Variants in HIVEP2 observed in about 807,000 individuals in gnomAD.
HIVEP2 encodes HIVEP zinc finger 2, also known as transcription factor HIVEP2.
HIVEP2 carries 14 observed loss-of-function variants against 180.7 expected under a neutral mutation model. That is an observed-to-expected ratio of 0.08 (90% CI 0.05 to 0.12). HIVEP2 has a LOEUF of 0.12. Among genes scored for constraint, HIVEP2 ranks in the 10% least tolerant of loss-of-function variants. The probability of loss-of-function intolerance (pLI) is 1.00; values close to 1 mark genes in which losing one functional copy is unlikely to be tolerated. For missense variants in HIVEP2, 2,579 were observed against 3,008.5 expected (o/e 0.86, Z 3.34); for synonymous variants, 1,184 against 1,136.4 (o/e 1.04, Z -0.84).
In HIVEP2 at chr6:142,769,914, C is replaced by G; in HGVS notation, c.4825G>C (p.Val1609Leu). 4 of 1,614,030 alleles carry G rather than the reference C, an allele frequency of 2.5e-6. No individual in the cohort carries two copies. Among genetic ancestry groups the G allele is most frequent in the Non-Finnish European group, 3.4e-6 (4 of 1,180,032 alleles). ...KGHKRPVGML[V>L]RMASAPSGNV... ...CCGCTGGGGGCAGAGGCCATGCGGA[C>G]CAGCATGCCAACAGGCCGCTTGTGG... is the stretch of plus-strand genomic sequence containing the variant. The change falls in exon 5 of 10, where the codon GTC becomes CTC. Residue 1609 changes from valine to leucine, a missense_variant. Physicochemically the swap from Val to Leu is conservative, Grantham distance 32 (BLOSUM62 1). Coordinates refer to ENST00000367603, the MANE Select transcript of HIVEP2 (RefSeq NM_006734.4).
intron 1 of HIVEP2, among the ~76,000 whole-genome samples, chr6:142,940,428 T>C (rs1048524119): frequency 1.3e-5 from 2 of 152,218 alleles, no homozygotes; most frequent in Admixed American, 6.5e-5. Flanking sequence ...ATGCACAAGG[T>C]TCTTCCAATT....
intron 1 of HIVEP2, among the ~76,000 whole-genome samples, chr6:142,877,916 G>T (rs1445238579): frequency 6.6e-6 from 1 of 152,170 alleles, no homozygotes; most frequent in African/African-American, 2.4e-5. Flanking sequence ...GGAAATGCAA[G>T]TGAAAGAATG....
intron 2 of HIVEP2, among the ~76,000 whole-genome samples, chr6:142,812,213 T>C (rs1308398719): frequency 6.6e-6 from 1 of 152,140 alleles, no homozygotes; most frequent in Non-Finnish European, 1.5e-5. Context: ...GAATATTCAG[T>C]TGAGTACTGA....
intron 1 of HIVEP2, among the ~76,000 whole-genome samples, chr6:142,845,573 G>C (rs1409206975): frequency 6.6e-6 from 1 of 152,206 alleles, no homozygotes; most frequent in Non-Finnish European, 1.5e-5. Flanking sequence ...AGAAGTTACA[G>C]AGTTAAATTT....
intron 1 of HIVEP2, among the ~76,000 whole-genome samples, chr6:142,890,795 A>G (rs1468054065): frequency 6.6e-6 from 1 of 152,260 alleles, no homozygotes; most frequent in Non-Finnish European, 1.5e-5. Flanking sequence ...CTTGTATATT[A>G]CTACAGAAAA....
At chr6:142,891,417 T>A (rs553183565) in intron 1 of HIVEP2, among the ~76,000 whole-genome samples, 1 of 149,834 alleles carries the variant, frequency 6.7e-6, no homozygotes, top group African/African-American at 2.4e-5. Context: ...TAATTTAATA[T>A]TAATATTAAT....
intron 1 of HIVEP2, among the ~76,000 whole-genome samples, chr6:142,868,101 G>A (rs773971146): frequency 1.3e-5 from 2 of 152,088 alleles, no homozygotes; most frequent in Non-Finnish European, 2.9e-5. Context: ...AGTAATTTCC[G>A]CTTTCAGGAG....
At chr6:142,801,573 C>T (rs1032093019) in intron 2 of HIVEP2, among the ~76,000 whole-genome samples, 2 of 151,980 alleles carry the variant, frequency 1.3e-5, no homozygotes, top group Non-Finnish European at 2.9e-5. Context: ...TTCCACATCA[C>T]CTCTCAGTTA....
intron 1 of HIVEP2, among the ~76,000 whole-genome samples, chr6:142,885,467 A>G (rs1385293304): frequency 6.6e-6 from 1 of 152,072 alleles, no homozygotes; most frequent in Non-Finnish European, 1.5e-5. Context: ...CCTGTTGTCC[A>G]TTCGCTGAGG....
At chr6:142,759,028 G>A (rs759970168) in intron 9 of HIVEP2, among the ~76,000 whole-genome samples, 132 of 152,246 alleles carry the variant, frequency 8.7e-4, no homozygotes, top group Non-Finnish European at 1.4e-3. Context: ...GAGGCCAGGC[G>A]CAGTGGCTCA....
At chr6:142,791,134 C>T (rs901106805) in intron 2 of HIVEP2, among the ~76,000 whole-genome samples, 1 of 152,102 alleles carries the variant, frequency 6.6e-6, no homozygotes, top group African/African-American at 2.4e-5. Context: ...GATATACAAC[C>T]TCAGGAAACC....
chr6:142,912,235 T>C (rs1404117740), intron 1 of HIVEP2, among the ~76,000 whole-genome samples: 2 of 152,228 alleles, frequency 1.3e-5, no homozygotes, highest in African/African-American at 4.8e-5. Flanking sequence ...TGCAGTTCAA[T>C]TGGAGAGCAC....
chr6:142,900,120 T>C (rs999959535), intron 1 of HIVEP2, among the ~76,000 whole-genome samples: 1 of 152,210 alleles, frequency 6.6e-6, no homozygotes, highest in Non-Finnish European at 1.5e-5. Flanking sequence ...ATTCCATGTA[T>C]CTCCTGGATT....
At chr6:142,835,295 G>C (rs1052270156) in intron 2 of HIVEP2, among the ~76,000 whole-genome samples, 1 of 152,166 alleles carries the variant, frequency 6.6e-6, no homozygotes, top group African/African-American at 2.4e-5. Context: ...AATACACAAG[G>C]AGGCCATCTG....
In HIVEP2 at chr6:142,944,443, A is replaced by G. The variant is rs557996492; in HGVS notation, c.-641+656T>C. 4.1e-5 allele frequency among the ~76,000 whole-genome samples: 6 copies of G among 146,078 alleles called. No individual in the cohort carries two copies. In the South Asian group the frequency reaches 1.4e-3, roughly 33 times the overall value. ...CCCACACACCCACACACACACACACACACGCACACACCCAGAGCAATGTTT... is the reference window on the plus strand; with the variant it reads ...CCCACACACCCACACACACACACACGCACGCACACACCCAGAGCAATGTTT... On this transcript the variant is annotated intron_variant, in intron 1 of 9. Transcript: ENST00000367603.
chr6:142,835,245 A>G (rs990095652), intron 2 of HIVEP2, among the ~76,000 whole-genome samples: 6 of 152,156 alleles, frequency 3.9e-5, no homozygotes, highest in South Asian at 2.1e-4. Flanking sequence ...AGTGACCCCA[A>G]TGAGCTGACT....
At chr6:142,858,425 G>A (rs1775884057) in intron 1 of HIVEP2, among the ~76,000 whole-genome samples, 1 of 152,044 alleles carries the variant, frequency 6.6e-6, no homozygotes, top group Admixed American at 6.6e-5. Flanking sequence ...TCTCAAAGGA[G>A]GCAGCACTGC....
At chr6:142,775,991 T>G (rs1775544953) in intron 4 of HIVEP2, among the ~76,000 whole-genome samples, 156 bp downstream of exon 4, 1 of 151,882 alleles carries the variant, frequency 6.6e-6, no homozygotes, top group Non-Finnish European at 1.5e-5. Flanking sequence ...CAGCTTAAAA[T>G]CAGTGATTAA....
rs60365543 is a variant in HIVEP2 at position 142,793,675 on chromosome 6, C to CTTTCTTTCTTTCTTTCTT, written c.-527-10061_-527-10060insAAGAAAGAAAGAAAGAAA. ...TTCTTTCTTTTTTCTTTCTTTCTTT[C>CTTTCTTTCTTTCTTTCTT]TCTCTCTCTCTCTCTCTCTCTCTGT... is the stretch of plus-strand genomic sequence containing the variant. On this transcript the variant is annotated intron_variant, in intron 2 of 9. Coordinates refer to ENST00000367603, the MANE Select transcript of HIVEP2 (RefSeq NM_006734.4). Among the ~76,000 whole-genome samples the CTTTCTTTCTTTCTTTCTT allele has an allele frequency of 2.2e-4, 27 of 122,914 alleles. 1 individual carries two copies. The highest frequency in any genetic ancestry group is 2.9e-4 in the South Asian group (1 of 3,496). The allele number at this position is 122,914 out of a possible 152,430, so 80.6% of individuals were successfully genotyped here.
Sources: gnomAD v4.1 joint callset for allele counts (sites outside exome capture counted in the v4.1 genomes callset) on GRCh38, gnomAD v4.1.1 for gene constraint, MANE v1.5 for transcripts, NCBI Gene and HGNC (gene_info 2026-07-23, HGNC 2026-07-21) for gene names.